The following CSRP1 variants were observed in gnomAD, a reference collection of about 807,000 sequenced individuals.
CSRP1 encodes cysteine and glycine-rich protein 1.
Under a neutral mutation model 25.4 loss-of-function variants are expected in CSRP1, and 16 were observed. The observed-to-expected ratio is 0.63, with a 90% CI of 0.43 to 0.96. The LOEUF (loss-of-function observed/expected upper bound fraction) is 0.96. Among genes scored for constraint, CSRP1 ranks in the 40% least tolerant of loss-of-function variants. The pLI, the probability that CSRP1 is intolerant of heterozygous loss-of-function variation, is 0.00. For synonymous variants in CSRP1, 97 were observed against 95.3 expected, an observed-to-expected ratio of 1.02 and a Z score of -0.10; for missense variants, 212 against 243.6, an observed-to-expected ratio of 0.87 and a Z score of 0.86.
In CSRP1 at chr1:201,496,240, C is replaced by T. The variant is rs1664510966; in HGVS notation, c.64G>A (p.Glu22Lys). 1.2e-6 allele frequency: 2 copies of T among 1,614,244 alleles called. No individual in the cohort carries two copies. The highest frequency in any genetic ancestry group is 8.5e-7 in the Non-Finnish European group (1 of 1,180,060). The stretch of plus-strand genomic sequence containing the variant: ...AAGCTGTTGCCTTCGCACTGAACCT[C>T]TTCGGCAAAGTAAACCGTCTTCTGA... Reference protein sequence around the residue: ...VCQKTVYFAEEVQCEGNSFHK... With the variant: ...VCQKTVYFAEKVQCEGNSFHK... Residue 22 changes from glutamate to lysine, a missense_variant, in exon 2 of 6, where the codon GAG becomes AAG. Coordinates refer to ENST00000340006, the MANE Select transcript of CSRP1 (RefSeq NM_004078.3).
intron 2 of CSRP1, chr1:201,495,668 A>C (rs1210819681): frequency 6.6e-6 from 1 of 152,444 alleles, no homozygotes; most frequent in African/African-American, 2.4e-5. Context: ...AGTAGATATC[A>C]GGGAACTTTG....
intron 2 of CSRP1, among the ~76,000 whole-genome samples, chr1:201,493,505 T>C (rs1410748458): frequency 6.6e-6 from 1 of 152,234 alleles, no homozygotes; most frequent in Non-Finnish European, 1.5e-5. Flanking sequence ...CCTTTGCTTC[T>C]CCTTTGCCTT....
chr1:201,488,888 G>A lies in CSRP1; in HGVS notation c.378C>T (p.Val126=), dbSNP rs755052701. ...SERCPRCSQA[V]YAAEKVIGAG... ...CACCAATCACCTTCTCCGCAGCATA[G>A]ACTGCCTGGCTGCATCGGGGGCAGC... is the stretch of plus-strand genomic sequence containing the variant. Residue 126 remains valine (V), a synonymous_variant, in exon 4 of 6, where the codon GTC becomes GTT. Coordinates refer to ENST00000340006, the MANE Select transcript of CSRP1 (RefSeq NM_004078.3). 4 of 1,614,096 alleles carry A rather than the reference G, an allele frequency of 2.5e-6. No homozygotes were observed. The Admixed American group carries it at 6.7e-5, about 27-fold the overall frequency.
chr1:201,489,139 C>A, intron 3 of CSRP1, 155 bp from the exon 4 acceptor site: 1 of 851,168 alleles, frequency 1.2e-6, no homozygotes, highest in Non-Finnish European at 1.8e-6. Context: ...GGGTCATCTC[C>A]CATTTTACAG....
intron 2 of CSRP1, chr1:201,492,313 G>A (rs1161984000): frequency 6.6e-6 from 1 of 152,264 alleles, no homozygotes; most frequent in African/African-American, 2.4e-5. Context: ...CTCCCCTGCC[G>A]AGGACCTCCC....
In CSRP1 at chr1:201,500,562, A is replaced by T. The variant is rs1307164864; in HGVS notation, c.-1-4258T>A. 3.9e-5 allele frequency among the ~76,000 whole-genome samples: 6 copies of T among 152,388 alleles called. No individual in the cohort carries two copies. The East Asian group carries it at 1.2e-3, about 29-fold the overall frequency. ...GGTCTCCCCTCAAGAGCCCAGTGAA[A>T]GGACAGGGCTCTATTGCCTTGAGAT... On this transcript the variant is annotated intron_variant, in intron 1 of 5. Coordinates refer to ENST00000340006, the MANE Select transcript of CSRP1 (RefSeq NM_004078.3).
intron 2 of CSRP1, 25 bp from the exon 3 acceptor site, chr1:201,490,369 C>G (rs748182572): frequency 6.2e-6 from 10 of 1,609,544 alleles, no homozygotes; most frequent in Non-Finnish European, 8.5e-6. Flanking sequence ...GGGAAGCGGA[C>G]GCATTGAGTT....
intron 2 of CSRP1, among the ~76,000 whole-genome samples, chr1:201,493,525 T>C (rs1664408262): frequency 6.6e-6 from 1 of 152,346 alleles, no homozygotes; most frequent in African/African-American, 2.4e-5. Context: ...TCTGCCATGA[T>C]TGTGAGGCCT....
intron 1 of CSRP1, among the ~76,000 whole-genome samples, chr1:201,505,612 T>C (rs1403564354): frequency 6.6e-6 from 1 of 152,224 alleles, no homozygotes; most frequent in African/African-American, 2.4e-5. Flanking sequence ...ATAAACTTCC[T>C]TCCTCGTCTG....
At chr1:201,496,601 T>A (rs1296200132) in intron 1 of CSRP1, 3 of 418,314 alleles carry the variant, frequency 7.2e-6, no homozygotes, top group Admixed American at 3.8e-5. Flanking sequence ...GCAGGCTTTA[T>A]AAAGAAGGCT....
intron 1 of CSRP1, among the ~76,000 whole-genome samples, chr1:201,506,145 C>T (rs1360859278): frequency 6.6e-6 from 1 of 152,194 alleles, no homozygotes; most frequent in Non-Finnish European, 1.5e-5. Context: ...GACTCCAAGC[C>T]ACCTCTTCAT....
At chr1:201,485,947 A>G (rs939040540) in intron 4 of CSRP1, 1 of 152,470 alleles carries the variant, frequency 6.6e-6, no homozygotes, top group Non-Finnish European at 1.5e-5. Flanking sequence ...ATACTAGACA[A>G]CATTGACTCT....
intron 1 of CSRP1, among the ~76,000 whole-genome samples, chr1:201,498,231 T>C (rs1009886637): frequency 6.6e-6 from 1 of 152,156 alleles, no homozygotes; most frequent in Non-Finnish European, 1.5e-5. Flanking sequence ...TCCATTTCAC[T>C]CGCTCACTCA....
At chr1:201,499,666 A>T (rs1433129372) in intron 1 of CSRP1, among the ~76,000 whole-genome samples, 1 of 152,110 alleles carries the variant, frequency 6.6e-6, no homozygotes, top group Non-Finnish European at 1.5e-5. Flanking sequence ...CCTAGACTGG[A>T]CTGCAGTGGC....
chr1:201,488,801 A>G, intron 4 of CSRP1, 54 bp downstream of exon 4: 1 of 1,598,342 alleles, frequency 6.3e-7, no homozygotes, highest in African/African-American at 1.3e-5. Flanking sequence ...TCTGGAATCC[A>G]CATTTCAGGA....
At chr1:201,488,351 G>A (rs1664215256) in intron 4 of CSRP1, 1 of 152,458 alleles carries the variant, frequency 6.6e-6, no homozygotes, top group African/African-American at 2.4e-5. Context: ...AGGAGGCTCT[G>A]GTAGGTCTGA....
chr1:201,506,079 C>T (rs775709999), intron 1 of CSRP1, among the ~76,000 whole-genome samples: 31 of 152,204 alleles, frequency 2.0e-4, no homozygotes, highest in Admixed American at 1.3e-4. Context: ...AGGAAACCTG[C>T]GCGTTAAGTG....
chr1:201,496,159 A>G (rs1329609286), intron 2 of CSRP1, 33 bp downstream of exon 2: 2 of 1,567,740 alleles, frequency 1.3e-6, no homozygotes, highest in Non-Finnish European at 8.8e-7. Flanking sequence ...AGGGTGTCCA[A>G]GGCAACAGCA....
intron 1 of CSRP1, among the ~76,000 whole-genome samples, chr1:201,500,213 G>A (rs1000470467): frequency 1.3e-5 from 2 of 152,182 alleles, no homozygotes; most frequent in Non-Finnish European, 2.9e-5. Flanking sequence ...ACCAGCAGGG[G>A]ACATACTCAG....
Sources: gnomAD v4.1 joint callset for allele counts (sites outside exome capture counted in the v4.1 genomes callset) on GRCh38, gnomAD v4.1.1 for gene constraint, MANE v1.5 for transcripts, NCBI Gene and HGNC (gene_info 2026-07-23, HGNC 2026-07-21) for gene names.